Variants in IL1R1 observed in about 807,000 individuals in gnomAD.
The protein encoded by IL1R1 is interleukin-1 receptor type 1.
Under a neutral mutation model 50.2 loss-of-function variants are expected in IL1R1, and 22 were observed. The observed-to-expected ratio is 0.44, with a 90% CI of 0.31 to 0.63. IL1R1 has a LOEUF of 0.63. Among genes scored for constraint, IL1R1 ranks in the 20% least tolerant of loss-of-function variants. The probability of loss-of-function intolerance (pLI) is 0.07; values close to 1 mark genes in which losing one functional copy is unlikely to be tolerated. For synonymous variants in IL1R1, 251 were observed against 236.7 expected, an observed-to-expected ratio of 1.06 and a Z score of -0.55; for missense variants, 509 against 676.2, an observed-to-expected ratio of 0.75 and a Z score of 2.74.
chr2:102,075,550 G>C (rs1472879334), intron 1 of IL1R1, among the ~76,000 whole-genome samples: 1 of 152,056 alleles, frequency 6.6e-6, no homozygotes, highest in Non-Finnish European at 1.5e-5. Flanking sequence ...TCTACTTTTA[G>C]AATTCTTCAT....
upstream of IL1R1, among the ~76,000 whole-genome samples, chr2:102,103,353 A>T (rs1680230853): frequency 6.6e-6 from 1 of 151,906 alleles, no homozygotes; most frequent in African/African-American, 2.4e-5. Context: ...GGAAGGAGCA[A>T]AGAGGAGGTG....
chr2:102,151,352 A>T (rs976959742), intron 1 of IL1R1, among the ~76,000 whole-genome samples: 5 of 151,790 alleles, frequency 3.3e-5, no homozygotes, highest in Non-Finnish European at 5.9e-5. Flanking sequence ...CCCTTATTCC[A>T]TCCTTTCTCT....
chr2:102,162,603 A>G (rs1684828494), intron 3 of IL1R1, among the ~76,000 whole-genome samples: 1 of 152,068 alleles, frequency 6.6e-6, no homozygotes, highest in Admixed American at 6.5e-5. Flanking sequence ...TCTGGGGCTT[A>G]AATAGCCATC....
intron 1 of IL1R1, among the ~76,000 whole-genome samples, chr2:102,130,496 G>A (rs1213526225): frequency 1.3e-5 from 2 of 151,874 alleles, no homozygotes; most frequent in Non-Finnish European, 2.9e-5. Flanking sequence ...TTTCACTCTT[G>A]GTGGCACAAG....
chr2:102,077,460 CT>C (rs1679019786), intron 1 of IL1R1, among the ~76,000 whole-genome samples: 1 of 152,168 alleles, frequency 6.6e-6, no homozygotes, highest in Non-Finnish European at 1.5e-5. Flanking sequence ...CTGATTTTAT[CT>C]CAATTAGTTA....
chr2:102,112,073 G>T (rs6742122), intron 1 of IL1R1, among the ~76,000 whole-genome samples: 13,361 of 151,878 alleles, frequency 0.088, 688 homozygotes, highest in East Asian at 0.18. Flanking sequence ...TGGCCACCCT[G>T]GTTCCATGAT....
Position 102,142,834 on chromosome 2 carries a change from G to GCGGCCGGGCCGGGCGGTGGGGGCGC in IL1R1, c.-264_-240dup, listed in dbSNP as rs1682777541. On this transcript the variant is annotated 5_prime_UTR_variant, in exon 1 of 12. Transcript: ENST00000410023. ...GGCGCCGGCCGGGAGGAGCCGGAGA[G>GCGGCCGGGCCGGGCGGTGGGGGCGC]CGGCCGGGCCGGGCGGTGGGGGCGC... 6.7e-6 allele frequency: 1 copy of GCGGCCGGGCCGGGCGGTGGGGGCGC among 148,354 alleles called. No homozygotes were observed. The highest frequency in any genetic ancestry group is 1.5e-5 in the Non-Finnish European group (1 of 66,786). The allele number at this position is 148,354 out of a possible 1,614,324, so 9.2% of individuals were successfully genotyped here.
At chr2:102,100,033 C>A (rs1285596547), upstream of IL1R1, among the ~76,000 whole-genome samples, 1 of 152,142 alleles carries the variant, frequency 6.6e-6, no homozygotes, top group Non-Finnish European at 1.5e-5. Flanking sequence ...TCTGCACCTC[C>A]CAGCTCCCTC....
At chr2:102,103,782 T>C (rs1291829576), upstream of IL1R1, among the ~76,000 whole-genome samples, 1 of 151,790 alleles carries the variant, frequency 6.6e-6, no homozygotes, top group Non-Finnish European at 1.5e-5. Flanking sequence ...TCATCTGAGT[T>C]CAGGAGTTTG....
At chr2:102,097,718 A>T (rs1243278785) in intron 1 of IL1R1, among the ~76,000 whole-genome samples, 1 of 151,880 alleles carries the variant, frequency 6.6e-6, no homozygotes, top group Non-Finnish European at 1.5e-5. Flanking sequence ...ATAGTCTCAT[A>T]TAATATTAAA....
upstream of IL1R1, among the ~76,000 whole-genome samples, chr2:102,103,680 A>C (rs1165524440): frequency 6.6e-6 from 1 of 152,084 alleles, no homozygotes. Flanking sequence ...AGTGCAGAGC[A>C]CAGGAGGAGC....
At chr2:102,121,616 G>C (rs991278450) in intron 1 of IL1R1, among the ~76,000 whole-genome samples, 2 of 152,156 alleles carry the variant, frequency 1.3e-5, no homozygotes, top group African/African-American at 4.8e-5. Context: ...GCTTACTCTA[G>C]GGTTTATGGG....
chr2:102,080,258 C>A (rs1301781819), intron 1 of IL1R1, among the ~76,000 whole-genome samples: 1 of 152,170 alleles, frequency 6.6e-6, no homozygotes, highest in African/African-American at 2.4e-5. Flanking sequence ...TAAATCCTTT[C>A]ATGTTTTAAA....
At chr2:102,119,017 C>CAAAAAA (rs56327525) in intron 1 of IL1R1, among the ~76,000 whole-genome samples, 46 of 73,854 alleles carry the variant, frequency 6.2e-4, no homozygotes, top group South Asian at 1.1e-3. Flanking sequence ...GACTGTGTCT[C>CAAAAAA]AAAAAAAAAA....
chr2:102,168,470 A>G, intron 6 of IL1R1, 128 bp from the exon 7 acceptor site: 2 of 756,082 alleles, frequency 2.6e-6, no homozygotes, highest in Non-Finnish European at 4.8e-6. Context: ...GTCTCCTGGC[A>G]TATGTGCTTT....
chr2:102,176,055 A>C, intron 11 of IL1R1: 1 of 451,718 alleles, frequency 2.2e-6, no homozygotes, highest in Non-Finnish European at 3.9e-6. Context: ...GCAGTGGCTC[A>C]TGCCTTTTAT....
At chr2:102,167,994 T>C (rs1215106996) in intron 6 of IL1R1, among the ~76,000 whole-genome samples, 1 of 152,238 alleles carries the variant, frequency 6.6e-6, no homozygotes, top group Non-Finnish European at 1.5e-5. Context: ...TGTTCACTTT[T>C]TTTTTGATTG....
Position 102,165,185 on chromosome 2 carries a change from A to C in IL1R1, c.367A>C (p.Asn123His), listed in dbSNP as rs749932995. 2 of 1,605,382 alleles carry C rather than the reference A, an allele frequency of 1.2e-6. No individual in the cohort carries two copies. The highest frequency in any genetic ancestry group is 1.7e-6 in the Non-Finnish European group (2 of 1,177,280). ...GGAGAATGAGCCTAACTTATGTTAT[A>C]ATGCACAAGCCATATTTAAGCAGAA... ...FVENEPNLCY[N>H]AQAIFKQKLP... Residue 123 changes from asparagine (N) to histidine (H), a missense_variant, in exon 5 of 12, where the codon AAT becomes CAT. By Grantham distance (68) the Asn-to-His change is moderately conservative. Transcript: ENST00000410023.
Position 102,176,630 on chromosome 2 carries a change from G to A in IL1R1, c.1581G>A (p.Lys527=). Residue 527 remains lysine, a synonymous_variant, in exon 12 of 12, where the codon AAG becomes AAA. Transcript: ENST00000410023. ...TTACACAGGGACCACAGTCTGCAAA[G>A]ACAAGGTTCTGGAAGAATGTCAGGT... is the stretch of plus-strand genomic sequence containing the variant. The part of the protein sequence containing the change: ...GDFTQGPQSA[K]TRFWKNVRYH... 1 of 1,614,218 alleles carries A rather than the reference G, an allele frequency of 6.2e-7. No individual in the cohort carries two copies.
Sources: gnomAD v4.1 joint callset for allele counts (sites outside exome capture counted in the v4.1 genomes callset) on GRCh38, gnomAD v4.1.1 for gene constraint, MANE v1.5 for transcripts, NCBI Gene and HGNC (gene_info 2026-07-23, HGNC 2026-07-21) for gene names.